GALNT9: variants seen among roughly 807,000 people sequenced by gnomAD.
GALNT9 encodes GalNAc transferase 9.
Under a neutral mutation model 63.1 loss-of-function variants are expected in GALNT9, and 47 were observed. The observed-to-expected ratio is 0.75, with a 90% CI of 0.59 to 0.95. GALNT9 has a LOEUF of 0.95. GALNT9 is among the 40% of genes least tolerant of loss of function. GALNT9 has a pLI of 0.00. For missense variants in GALNT9, 829 were observed against 874.8 expected, an observed-to-expected ratio of 0.95 and a Z score of 0.66; for synonymous variants, 396 against 365.7, an observed-to-expected ratio of 1.08 and a Z score of -0.94.
chr12:132,219,026 G>A (rs1347355128), intron 6 of GALNT9, among the ~76,000 whole-genome samples: 1 of 152,060 alleles, frequency 6.6e-6, no homozygotes, highest in African/African-American at 2.4e-5. Flanking sequence ...CCCGCATTTT[G>A]AGCTCTCGGG....
At chr12:132,241,074 C>G (rs1250329656) in intron 6 of GALNT9, among the ~76,000 whole-genome samples, 6 of 122,032 alleles carry the variant, frequency 4.9e-5, no homozygotes, top group Non-Finnish European at 7.3e-5. Context: ...ACACACACGC[C>G]ACACACCCTT....
At chr12:132,215,275 C>G (rs555476711) in intron 6 of GALNT9, among the ~76,000 whole-genome samples, 1 of 152,262 alleles carries the variant, frequency 6.6e-6, no homozygotes, top group Non-Finnish European at 1.5e-5. Flanking sequence ...AGTACTTCCT[C>G]GCACACCGAG....
At chr12:132,216,050 T>C (rs1239095568) in intron 6 of GALNT9, among the ~76,000 whole-genome samples, 2 of 151,678 alleles carry the variant, frequency 1.3e-5, no homozygotes, top group Non-Finnish European at 1.5e-5. Flanking sequence ...GCCCATCTAA[T>C]GATAGACAGA....
At chr12:132,210,978 G>A (rs28510526) in intron 6 of GALNT9, among the ~76,000 whole-genome samples, 2,554 of 152,150 alleles carry the variant, frequency 0.017, 59 homozygotes, top group African/African-American at 0.058. Context: ...ACACTTGAGA[G>A]GTGCGCTCAG....
intron 7 of GALNT9, 130 bp from the exon 8 acceptor site, chr12:132,201,391 G>A (rs1418943043): frequency 5.9e-5 from 33 of 563,214 alleles, no homozygotes; most frequent in South Asian, 5.1e-4. Context: ...GTATTCAGAT[G>A]CTGAGGCCCC....
chr12:132,224,964 C>T (rs1877592448), intron 6 of GALNT9, among the ~76,000 whole-genome samples: 1 of 150,308 alleles, frequency 6.7e-6, no homozygotes, highest in African/African-American at 2.5e-5. Flanking sequence ...TGTACATACA[C>T]ACCCCACACA....
intron 1 of GALNT9, among the ~76,000 whole-genome samples, chr12:132,307,377 A>ATGG (rs1555244740): frequency 6.6e-6 from 1 of 152,144 alleles, no homozygotes; most frequent in East Asian, 1.9e-4. Flanking sequence ...GGTGGGATAA[A>ATGG]TAACCGATTC....
rs1346811200 is a variant in GALNT9, at chr12:132,197,796, G to A, written c.1661C>T (p.Thr554Ile). The change falls in exon 10 of 11, where the codon ACC (threonine) becomes ATC (isoleucine). Residue 554 changes from threonine to isoleucine, a missense_variant. Coordinates refer to ENST00000328957, the MANE Select transcript of GALNT9 (RefSeq NM_001122636.2). ...CCCCCTTCCCCAGAGGCTGACCTGG[G>A]TGAAGTCCCACAGCCGCTGTGTTGG... The part of the protein sequence containing the change: ...ARPTQRLWDF[T>I]QSGPIVSRAT... 2.5e-6 allele frequency: 4 copies of A among 1,570,874 alleles called. No homozygotes were observed.
At chr12:132,213,493 C>T (rs1388475835) in intron 6 of GALNT9, among the ~76,000 whole-genome samples, 2 of 151,720 alleles carry the variant, frequency 1.3e-5, no homozygotes, top group Non-Finnish European at 2.9e-5. Flanking sequence ...CACACACGCA[C>T]TCCACTCACA....
chr12:132,214,436 A>AC (rs991628581), intron 6 of GALNT9, among the ~76,000 whole-genome samples: 30 of 151,990 alleles, frequency 2.0e-4, no homozygotes, highest in African/African-American at 6.0e-4. Flanking sequence ...GCTAGTGAGC[A>AC]CCCCCCCAGC....
chr12:132,205,112 G>A (rs557000041), intron 6 of GALNT9, among the ~76,000 whole-genome samples: 3 of 152,218 alleles, frequency 2.0e-5, no homozygotes, highest in Admixed American at 2.0e-4. Context: ...GTTCATCCTC[G>A]TCCAGGCTGC....
chr12:132,238,696 G>A lies in GALNT9; in HGVS notation c.1077+9214C>T, dbSNP rs2136896207. On this transcript the variant is annotated intron_variant, in intron 6 of 10. Coordinates refer to ENST00000328957, the MANE Select transcript of GALNT9 (RefSeq NM_001122636.2). The surrounding 1 kb of genome is among the most constrained non-coding windows in gnomAD (Gnocchi z 6.5). ...TGGGCAGGTCACTCAGCCTCTCTGGGCCTCAGCTCCTCCCCAGGGCTGTGG... is the reference window on the plus strand; with the variant it reads ...TGGGCAGGTCACTCAGCCTCTCTGGACCTCAGCTCCTCCCCAGGGCTGTGG... Among the ~76,000 whole-genome samples the A allele has an allele frequency of 2.0e-5, 3 of 152,138 alleles. No individual in the cohort carries two copies. The highest frequency in any genetic ancestry group is 2.9e-5 in the Non-Finnish European group (2 of 68,004).
In GALNT9 at chr12:132,251,551, G is replaced by A. The variant is rs141250687; in HGVS notation, c.960-3524C>T. ...GCCAGCTCTCAGAGGGGACTCCTCC[G>A]GGCCCACACCGCCCTCCCAGGTCCT... is the stretch of plus-strand genomic sequence containing the variant. On this transcript the variant is annotated intron_variant, in intron 5 of 10. Transcript: ENST00000328957. Among the ~76,000 whole-genome samples the A allele has an allele frequency of 1.6e-3, 246 of 152,266 alleles. No individual in the cohort carries two copies. The Middle Eastern group carries it at 0.017, about 11-fold the overall frequency.
chr12:132,249,284 G>A (rs1175209239), intron 5 of GALNT9, among the ~76,000 whole-genome samples: 1 of 152,210 alleles, frequency 6.6e-6, no homozygotes, highest in Non-Finnish European at 1.5e-5. Flanking sequence ...CGCCCTGCAG[G>A]CCTTGAGCTT....
At chr12:132,206,959 GGA>G (rs1876734556) in intron 6 of GALNT9, among the ~76,000 whole-genome samples, 2 of 152,220 alleles carry the variant, frequency 1.3e-5, no homozygotes, top group South Asian at 4.1e-4. Context: ...CAGCTGCTTG[GGA>G]GGCTGAGGCG....
At chr12:132,317,898 G>T (rs1868596411) in intron 1 of GALNT9, among the ~76,000 whole-genome samples, 1 of 152,208 alleles carries the variant, frequency 6.6e-6, no homozygotes, top group South Asian at 2.1e-4. Flanking sequence ...CGCTCCACAG[G>T]GTCGAGGATG....
chr12:132,317,127 A>G (rs371016942), intron 1 of GALNT9, among the ~76,000 whole-genome samples: 2,133 of 70,356 alleles, frequency 0.03, 1 homozygote, highest in East Asian at 0.08. Flanking sequence ...TACACCCCAC[A>G]GAGCACAGCC....
intron 6 of GALNT9, among the ~76,000 whole-genome samples, chr12:132,211,944 T>G (rs1876971270): frequency 1.3e-5 from 2 of 152,230 alleles, no homozygotes; most frequent in African/African-American, 4.8e-5. Flanking sequence ...GAAGGTCCCA[T>G]TATTCAGTGG....
intron 2 of GALNT9, among the ~76,000 whole-genome samples, chr12:132,263,179 C>T (rs1391075092): frequency 2.6e-5 from 4 of 152,200 alleles, no homozygotes; most frequent in African/African-American, 9.6e-5. Context: ...AGCCACTTCC[C>T]GCCCTGGCTC....
Sources: allele counts gnomAD v4.1 joint callset (sites outside exome capture counted in the v4.1 genomes callset), GRCh38; gene constraint gnomAD v4.1.1; non-coding constraint Gnocchi (gnomAD v3.1); transcripts MANE v1.5; gene names NCBI Gene and HGNC (gene_info 2026-07-23, HGNC 2026-07-21).